DLG2: variants seen among roughly 807,000 people sequenced by gnomAD.
DLG2 encodes the protein disks large homolog 2.
DLG2 carries 45 observed loss-of-function variants against 132.5 expected under a neutral mutation model. The observed-to-expected ratio is 0.34, with a 90% CI of 0.27 to 0.44. DLG2 has a LOEUF of 0.44. Ranked by LOEUF, DLG2 falls within the 20% of genes least tolerant of loss-of-function variation. The pLI is 1.00. For synonymous variants in DLG2, 424 were observed against 419.6 expected (o/e 1.01, Z -0.13); for missense variants, 1,045 against 1,196.9 (o/e 0.87, Z 1.87).
At chr11:85,475,231 C>A (rs1375088112) in intron 3 of DLG2, among the ~76,000 whole-genome samples, 2 of 151,636 alleles carry the variant, frequency 1.3e-5, no homozygotes, top group Non-Finnish European at 3.0e-5. Context: ...AAAGTAGTAG[C>A]AAAACTGTAC....
chr11:83,683,349 C>T (rs910032522), intron 18 of DLG2, among the ~76,000 whole-genome samples: 5 of 152,094 alleles, frequency 3.3e-5, no homozygotes, highest in Admixed American at 3.3e-4. Context: ...GTCAACTAAT[C>T]CACGCAGGAT....
At chr11:84,389,356 C>G (rs2098783724) in intron 7 of DLG2, among the ~76,000 whole-genome samples, 1 of 151,992 alleles carries the variant, frequency 6.6e-6, no homozygotes, top group African/African-American at 2.4e-5. Context: ...TTCTGTTCTT[C>G]AGTTAAAACT....
At chr11:85,430,188 A>T (rs1256904989) in intron 3 of DLG2, among the ~76,000 whole-genome samples, 1 of 131,272 alleles carries the variant, frequency 7.6e-6, no homozygotes, top group Non-Finnish European at 1.6e-5. Flanking sequence ...GAAGTGGAAC[A>T]TCACACTCTG....
intron 6 of DLG2, among the ~76,000 whole-genome samples, chr11:84,789,844 T>C (rs893456954): frequency 1.3e-5 from 2 of 152,192 alleles, no homozygotes; most frequent in African/African-American, 4.8e-5. Context: ...AAGGTTTTCT[T>C]TCTGTGCCTG....
intron 11 of DLG2, among the ~76,000 whole-genome samples, chr11:84,005,522 G>A (rs1407670837): frequency 6.6e-6 from 1 of 151,718 alleles, no homozygotes; most frequent in Non-Finnish European, 1.5e-5. Context: ...CTTCTGCACA[G>A]CAGAAAAGAC....
chr11:85,487,485 G>C (rs1292285895), intron 3 of DLG2, among the ~76,000 whole-genome samples: 1 of 140,950 alleles, frequency 7.1e-6, no homozygotes, highest in East Asian at 2.1e-4. Flanking sequence ...TTTCTAAAAA[G>C]AACCAAATAG....
At position 84,917,619 on chromosome 11, in the gene DLG2, T is replaced by C. The variant is rs75710421; in HGVS notation, c.357+194042A>G. 1.5e-4 allele frequency among the ~76,000 whole-genome samples: 23 copies of C among 152,196 alleles called. 1 individual carries two copies. Among genetic ancestry groups the C allele is most frequent in the Admixed American group, 1.0e-3 (16 of 15,274 alleles). On this transcript the variant is annotated intron_variant, in intron 6 of 27. Coordinates refer to ENST00000376104, the MANE Select transcript of DLG2 (RefSeq NM_001142699.3). Reference sequence around the variant, plus strand: ...TTTTGAGAAAATACATTCAAACTTGTTGATGTAGTCTAGGGTCCATACTAA... The same window carrying C: ...TTTTGAGAAAATACATTCAAACTTGCTGATGTAGTCTAGGGTCCATACTAA...
intron 10 of DLG2, among the ~76,000 whole-genome samples, chr11:84,074,529 ATTTTT>A (rs59822508): frequency 1.4e-5 from 2 of 139,344 alleles, no homozygotes; most frequent in African/African-American, 2.7e-5. Flanking sequence ...AGAGTTTCTA[ATTTTT>A]TTTTTTTTTT....
At chr11:83,513,439 G>T (rs2095144227) in intron 21 of DLG2, among the ~76,000 whole-genome samples, 1 of 152,200 alleles carries the variant, frequency 6.6e-6, no homozygotes, top group Admixed American at 6.5e-5. Flanking sequence ...TCCTTTGTCA[G>T]ATGGGTAGAT....
rs530580597 is a variant in DLG2, at chr11:85,619,013, C to T, written c.-93+7574G>A. On this transcript the variant is annotated intron_variant, in intron 2 of 27. Transcript: ENST00000376104. ...CAATTAACAGATCATTTTATCTCTA[C>T]GTCTTCCTCACTAAGTTGCTTCATA... is the stretch of plus-strand genomic sequence containing the variant. 7.2e-5 allele frequency among the ~76,000 whole-genome samples: 11 copies of T among 152,310 alleles called. No homozygotes were observed. In the East Asian group the frequency reaches 1.2e-3, roughly 16 times the overall value.
At chr11:85,503,888 T>C (rs1449505688) in intron 3 of DLG2, among the ~76,000 whole-genome samples, 1 of 152,040 alleles carries the variant, frequency 6.6e-6, no homozygotes, top group East Asian at 1.9e-4. Context: ...GCTATGATCA[T>C]GTCACTGTAC....
intron 10 of DLG2, among the ~76,000 whole-genome samples, chr11:84,090,275 G>A (rs542736375): frequency 5.3e-5 from 8 of 151,940 alleles, no homozygotes; most frequent in Non-Finnish European, 7.4e-5. Flanking sequence ...TTAGCTGGGC[G>A]TGGTAGCAGG....
At chr11:84,774,060 T>A (rs1335954066) in intron 6 of DLG2, among the ~76,000 whole-genome samples, 5 of 152,098 alleles carry the variant, frequency 3.3e-5, no homozygotes, top group Non-Finnish European at 5.9e-5. Flanking sequence ...AAAAGACTCT[T>A]GGAACTGATA....
At chr11:83,861,927 G>A (rs770025465) in intron 16 of DLG2, among the ~76,000 whole-genome samples, 12 of 152,196 alleles carry the variant, frequency 7.9e-5, no homozygotes, top group South Asian at 4.2e-4. Flanking sequence ...CAGACACCCC[G>A]TTATCCATCA....
rs191362765 is a variant in DLG2, at chr11:83,828,542, T to A, written c.1722+5072A>T. Among the ~76,000 whole-genome samples, 169 of 152,292 alleles carry A rather than the reference T, an allele frequency of 1.1e-3. 2 individuals carry two copies. In the East Asian group the frequency reaches 0.026, roughly 24 times the overall value. ...TTCCAATGGACACAGGTAAACATGT[T>A]TTTTAGAAGTTCTTCATTGAAGAAG... On this transcript the variant is annotated intron_variant, in intron 17 of 27. Transcript: ENST00000376104.
chr11:85,598,871 C>G (rs143826482), intron 2 of DLG2, 83 bp from the exon 3 acceptor site: 1 of 409,248 alleles, frequency 2.4e-6, no homozygotes, highest in Non-Finnish European at 4.3e-6. Context: ...AATTGTGTTC[C>G]TAACTTAATG....
At chr11:84,288,473 T>C (rs986930013) in intron 7 of DLG2, among the ~76,000 whole-genome samples, 2 of 152,050 alleles carry the variant, frequency 1.3e-5, no homozygotes, top group African/African-American at 2.4e-5. Context: ...AAAAGATATT[T>C]TGCAGTTATT....
intron 16 of DLG2, among the ~76,000 whole-genome samples, chr11:83,862,510 AG>A (rs1203277826): frequency 1.3e-5 from 2 of 152,184 alleles, no homozygotes; most frequent in Non-Finnish European, 2.9e-5. Context: ...AAATTTATAA[AG>A]AATGAATAAA....
chr11:83,957,569 T>A (rs1019552154), intron 14 of DLG2, among the ~76,000 whole-genome samples: 4 of 134,158 alleles, frequency 3.0e-5, no homozygotes, highest in African/African-American at 5.9e-5. Flanking sequence ...TTTTTTTTTT[T>A]TTAAAAACAT....
Sources: allele counts gnomAD v4.1 joint callset (sites outside exome capture counted in the v4.1 genomes callset), GRCh38; gene constraint gnomAD v4.1.1; transcripts MANE v1.5; gene names NCBI Gene and HGNC (gene_info 2026-07-23, HGNC 2026-07-21).